Variants in PDGFC observed in about 807,000 individuals in gnomAD.
The protein encoded by PDGFC is platelet derived growth factor C.
A neutral mutation model predicts 35.5 loss-of-function variants in PDGFC; 12 were observed. The ratio of observed to expected loss-of-function variants is 0.34; its 90% CI spans 0.22 to 0.55. The LOEUF (loss-of-function observed/expected upper bound fraction) is 0.55, where lower values mean the gene tolerates loss of function less well. Ranked by LOEUF, PDGFC falls within the 20% of genes least tolerant of loss-of-function variation. The pLI is 0.91. For missense variants in PDGFC, 322 were observed against 412.4 expected (o/e 0.78, Z 1.90); for synonymous variants, 159 against 148.8 (o/e 1.07, Z -0.50).
chr4:156,910,125 T>C (rs1731005351), intron 1 of PDGFC, among the ~76,000 whole-genome samples: 1 of 152,130 alleles, frequency 6.6e-6, no homozygotes, highest in South Asian at 2.1e-4. Flanking sequence ...GAACTGTGAA[T>C]TGTTTTTTGT....
At chr4:156,774,646 T>C (rs1730776426) in intron 3 of PDGFC, among the ~76,000 whole-genome samples, 2 of 149,706 alleles carry the variant, frequency 1.3e-5, no homozygotes, top group African/African-American at 5.0e-5. Context: ...CAACAATGAT[T>C]TCATCCTTTT....
At chr4:156,780,107 G>GTTTTTTTTTTTTTTTT (rs35403686) in intron 3 of PDGFC, among the ~76,000 whole-genome samples, 2 of 125,026 alleles carry the variant, frequency 1.6e-5, no homozygotes, top group Non-Finnish European at 1.7e-5. Flanking sequence ...CAAAATTAAG[G>GTTTTTTTTTTTTTTTT]TTTTTTTTTT....
At chr4:156,916,845 A>C (rs1035708498) in intron 1 of PDGFC, among the ~76,000 whole-genome samples, 3 of 152,206 alleles carry the variant, frequency 2.0e-5, no homozygotes, top group Admixed American at 1.3e-4. Context: ...AACAGCTACT[A>C]TGTCCTAAAT....
chr4:156,822,147 CAGG>C (rs1236766375), intron 2 of PDGFC, among the ~76,000 whole-genome samples: 1 of 151,910 alleles, frequency 6.6e-6, no homozygotes, highest in African/African-American at 2.4e-5. Flanking sequence ...ATCACGAGTT[CAGG>C]AGATCGAGAC....
chr4:156,826,606 A>G (rs564926591), intron 2 of PDGFC, among the ~76,000 whole-genome samples: 3 of 152,188 alleles, frequency 2.0e-5, no homozygotes, highest in Non-Finnish European at 2.9e-5. Flanking sequence ...GATTTACTAT[A>G]GGTTAGATTC....
chr4:156,963,981 C>CA (rs199841240), intron 1 of PDGFC, among the ~76,000 whole-genome samples: 2,699 of 78,222 alleles, frequency 0.035, 22 homozygotes, highest in Admixed American at 0.061. Flanking sequence ...CGGTCTTGAC[C>CA]AAAAAAAAAA....
At chr4:156,777,212 T>A (rs575728304) in intron 3 of PDGFC, among the ~76,000 whole-genome samples, 1 of 152,270 alleles carries the variant, frequency 6.6e-6, no homozygotes, top group South Asian at 2.1e-4. Flanking sequence ...TAGAAAGGCA[T>A]GTCTGGCTTA....
At chr4:156,893,771 G>T (rs901309512) in intron 1 of PDGFC, among the ~76,000 whole-genome samples, 1 of 151,910 alleles carries the variant, frequency 6.6e-6, no homozygotes, top group Non-Finnish European at 1.5e-5. Context: ...GAAACTGAAG[G>T]GGCAATCAAA....
chr4:156,895,154 T>C (rs1730601459), intron 1 of PDGFC, among the ~76,000 whole-genome samples: 1 of 152,140 alleles, frequency 6.6e-6, no homozygotes, highest in Non-Finnish European at 1.5e-5. Flanking sequence ...GACATCCTTT[T>C]GACAGTAAAT....
At chr4:156,925,019 G>A (rs538431841) in intron 1 of PDGFC, among the ~76,000 whole-genome samples, 4 of 152,130 alleles carry the variant, frequency 2.6e-5, no homozygotes, top group African/African-American at 9.7e-5. Flanking sequence ...TCAGGAAGGA[G>A]GAGAACTTTA....
chr4:156,889,185 A>C (rs966025329), intron 1 of PDGFC, among the ~76,000 whole-genome samples: 1 of 152,138 alleles, frequency 6.6e-6, no homozygotes, highest in African/African-American at 2.4e-5. Flanking sequence ...TGATTTCTTA[A>C]CACTATGCAC....
At chr4:156,920,181 C>T (rs1001695119) in intron 1 of PDGFC, among the ~76,000 whole-genome samples, 2 of 152,162 alleles carry the variant, frequency 1.3e-5, no homozygotes, top group African/African-American at 4.8e-5. Context: ...GCCAAATAAA[C>T]CCCTTTGCTT....
intron 1 of PDGFC, among the ~76,000 whole-genome samples, chr4:156,929,358 T>C (rs1246444968): frequency 2.6e-5 from 4 of 151,608 alleles, no homozygotes; most frequent in African/African-American, 4.8e-5. Flanking sequence ...AACCTATCTA[T>C]GTGAGATATT....
intron 1 of PDGFC, among the ~76,000 whole-genome samples, chr4:156,959,245 C>T (rs1484392302): frequency 6.6e-6 from 1 of 151,946 alleles, no homozygotes; most frequent in African/African-American, 2.4e-5. Flanking sequence ...GATTTCCACG[C>T]ACTAAACGAA....
intron 2 of PDGFC, among the ~76,000 whole-genome samples, chr4:156,834,781 A>C (rs1729023607): frequency 1.3e-5 from 2 of 152,170 alleles, no homozygotes; most frequent in Non-Finnish European, 2.9e-5. Context: ...TGGGCACTGA[A>C]GTTTCAAAAT....
intron 1 of PDGFC, among the ~76,000 whole-genome samples, chr4:156,951,822 C>A (rs962501249): frequency 6.6e-6 from 1 of 151,228 alleles, no homozygotes; most frequent in South Asian, 2.1e-4. Context: ...CTCACAGATA[C>A]AATCAGCCTC....
At chr4:156,865,359 C>T (rs115569226) in intron 1 of PDGFC, among the ~76,000 whole-genome samples, 287 of 152,116 alleles carry the variant, frequency 1.9e-3, no homozygotes, top group African/African-American at 6.6e-3. Context: ...TCTAGGAATT[C>T]TTTATATTAC....
intron 1 of PDGFC, among the ~76,000 whole-genome samples, chr4:156,873,523 G>T (rs747780330): frequency 1.3e-5 from 2 of 152,014 alleles, no homozygotes; most frequent in Non-Finnish European, 2.9e-5. Context: ...TACATAAATC[G>T]CATTTTGTTT....
At chr4:156,821,483 C>T (rs922549832) in intron 2 of PDGFC, among the ~76,000 whole-genome samples, 1 of 151,912 alleles carries the variant, frequency 6.6e-6, no homozygotes, top group Non-Finnish European at 1.5e-5. Context: ...TCAAGTGATA[C>T]TCCCACCTCG....
Sources: gnomAD v4.1 joint callset for allele counts (sites outside exome capture counted in the v4.1 genomes callset) on GRCh38, gnomAD v4.1.1 for gene constraint, MANE v1.5 for transcripts, NCBI Gene and HGNC (gene_info 2026-07-23, HGNC 2026-07-21) for gene names.